The following MIB1 variants were observed in gnomAD, a reference collection of about 807,000 sequenced individuals.
The protein encoded by MIB1 is E3 ubiquitin-protein ligase MIB1.
MIB1 carries 278 observed loss-of-function variants against 124.5 expected under a neutral mutation model. That is an observed-to-expected ratio of 2.23 (90% CI 2.02 to 2.47). The LOEUF (loss-of-function observed/expected upper bound fraction) is 2.47. Among genes scored for constraint, MIB1 ranks in the 30% most tolerant of loss-of-function variants. The probability of loss-of-function intolerance (pLI) is 0.00; values close to 1 mark genes in which losing one functional copy is unlikely to be tolerated. For synonymous variants in MIB1, 446 were observed against 429.4 expected, an observed-to-expected ratio of 1.04 and a Z score of -0.48; for missense variants, 957 against 1,254.4, an observed-to-expected ratio of 0.76 and a Z score of 3.58.
intron 20 of MIB1, 150 bp downstream of exon 20, chr18:21,858,796 G>T: frequency 2.1e-6 from 1 of 487,408 alleles, no homozygotes; most frequent in East Asian, 3.1e-5. Flanking sequence ...TCTGATTAGA[G>T]GGTTTAATCA....
intron 11 of MIB1, chr18:21,817,502 C>G (rs531775571): frequency 5.2e-6 from 1 of 193,088 alleles, no homozygotes; most frequent in African/African-American, 2.4e-5. Context: ...ATAATAGTGG[C>G]TTATTGGCTT....
At chr18:21,753,494 AT>A (rs923699469) in intron 1 of MIB1, among the ~76,000 whole-genome samples, 10 of 151,062 alleles carry the variant, frequency 6.6e-5, no homozygotes, top group East Asian at 5.9e-4. Flanking sequence ...GCCTGAAAAT[AT>A]TTTTTTTTGT....
intron 17 of MIB1, among the ~76,000 whole-genome samples, chr18:21,852,016 AATT>A: frequency 6.6e-6 from 1 of 152,194 alleles, no homozygotes; most frequent in Admixed American, 6.5e-5. Context: ...AGGAGAAGAT[AATT>A]ATTATGTATT....
At chr18:21,843,968 A>G in intron 14 of MIB1, 124 bp from the exon 15 acceptor site, 1 of 894,510 alleles carries the variant, frequency 1.1e-6, no homozygotes, top group South Asian at 1.8e-5. Flanking sequence ...AAAAGCATAA[A>G]AATGATTAGC....
At position 21,866,269 on chromosome 18, in the gene MIB1, C is replaced by G. The variant is rs2042320538; in HGVS notation, c.*1603C>G. The G allele has an allele frequency of 6.6e-6, 1 of 152,160 alleles. No homozygotes were observed. Among genetic ancestry groups the G allele is most frequent in the Non-Finnish European group, 1.5e-5 (1 of 68,046 alleles). The allele number at this position is 152,160 out of a possible 1,614,324, so 9.4% of individuals were successfully genotyped here. A position where few individuals can be genotyped will look rare whatever the true frequency, so the allele number is the denominator to read the frequency against. On this transcript the variant is annotated 3_prime_UTR_variant, in exon 21 of 21. Transcript: ENST00000261537. Reference sequence around the variant, plus strand: ...TGAAAGCAATGGGGAGCTTTGCTGGCTGGTTTTGTAGTCTCAACAATTCCA... The same window carrying G: ...TGAAAGCAATGGGGAGCTTTGCTGGGTGGTTTTGTAGTCTCAACAATTCCA...
intron 19 of MIB1, among the ~76,000 whole-genome samples, chr18:21,857,534 A>G (rs2042240267): frequency 6.6e-6 from 1 of 152,258 alleles, no homozygotes; most frequent in African/African-American, 2.4e-5. Context: ...TCTATTTTTA[A>G]GATGAAATTT....
Position 21,741,604 on chromosome 18 carries a change from C to G in MIB1, c.21C>G (p.Asn7Lys). The change falls in exon 1 of 21, where the codon AAC becomes AAG. Residue 7 changes from asparagine to lysine, a missense_variant. Coordinates refer to ENST00000261537, the MANE Select transcript of MIB1 (RefSeq NM_020774.4). The surrounding 1 kb of genome is among the most constrained non-coding windows in gnomAD (Gnocchi z 5.4). MSNSRNNRVMVEGVGAR... is the reference protein window; with the variant it reads MSNSRNKRVMVEGVGAR... ...CCCCGATGAGTAACTCCCGGAATAA[C>G]CGGGTGATGGTGGAAGGGGTTGGCG... 1 of 1,575,840 alleles carries G rather than the reference C, an allele frequency of 6.3e-7. No individual in the cohort carries two copies. The highest frequency in any genetic ancestry group is 8.6e-7 in the Non-Finnish European group (1 of 1,164,474).
At chr18:21,761,296 C>A (rs1025765588) in intron 1 of MIB1, among the ~76,000 whole-genome samples, 15 of 149,764 alleles carry the variant, frequency 1.0e-4, no homozygotes, top group African/African-American at 3.7e-4. Context: ...TCATAATTGT[C>A]TGGTGCAGGG....
upstream of MIB1, among the ~76,000 whole-genome samples, chr18:21,737,347 C>T (rs1463169593): frequency 6.6e-6 from 1 of 152,074 alleles, no homozygotes; most frequent in Non-Finnish European, 1.5e-5. Context: ...GATTTTGTCA[C>T]CACCAGGCCT....
chr18:21,735,874 A>T (rs1196365941), upstream of MIB1, among the ~76,000 whole-genome samples: 1 of 152,236 alleles, frequency 6.6e-6, no homozygotes, highest in South Asian at 2.1e-4. Context: ...CAGCAGCCCC[A>T]GTCAGGCACT....
intron 4 of MIB1, among the ~76,000 whole-genome samples, chr18:21,775,282 C>G (rs571619675): frequency 6.6e-6 from 1 of 152,070 alleles, no homozygotes; most frequent in East Asian, 1.9e-4. Context: ...CTCTGTCACT[C>G]AAGCTGGAGT....
chr18:21,831,778 A>G lies in MIB1; in HGVS notation c.1830-6587A>G, dbSNP rs149387444. On this transcript the variant is annotated intron_variant, in intron 12 of 20. Coordinates refer to ENST00000261537, the MANE Select transcript of MIB1 (RefSeq NM_020774.4). Reference sequence around the variant, plus strand: ...AGCCTGATGCACTGTCACTATACTTAGAAGCACTGCAGAGAAAAAAGGAAA... The same window carrying G: ...AGCCTGATGCACTGTCACTATACTTGGAAGCACTGCAGAGAAAAAAGGAAA... Among the ~76,000 whole-genome samples the G allele has an allele frequency of 6.4e-3, 972 of 152,236 alleles. 9 individuals are homozygous for G. The highest frequency in any genetic ancestry group is 0.02 in the African/African-American group (846 of 41,528).
At chr18:21,799,064 A>G (rs917360348) in intron 8 of MIB1, among the ~76,000 whole-genome samples, 1 of 152,046 alleles carries the variant, frequency 6.6e-6, no homozygotes, top group Non-Finnish European at 1.5e-5. Flanking sequence ...TTGACTACAT[A>G]CAAAGTAAAA....
chr18:21,765,804 T>TG lies in MIB1; in HGVS notation c.263dup (p.Cys88TrpfsTer20). On this transcript the variant is annotated frameshift_variant, in exon 2 of 21. Coordinates refer to ENST00000261537, the MANE Select transcript of MIB1 (RefSeq NM_020774.4). LOFTEE classifies it high-confidence loss of function. ...GCATGATGGAACCATGTGTGATACCTGCCGCCAGCAACCAATCATTGGCAT... is the reference window on the plus strand; with the variant it reads ...GCATGATGGAACCATGTGTGATACCTGGCCGCCAGCAACCAATCATTGGCAT... The TG allele has an allele frequency of 1.2e-6, 2 of 1,614,176 alleles. No individual in the cohort carries two copies. The highest frequency in any genetic ancestry group is 1.7e-6 in the Non-Finnish European group (2 of 1,179,994).
rs73430113 is a variant in MIB1, at chr18:21,853,710, G to A, written c.2665+492G>A. On this transcript the variant is annotated intron_variant, in intron 18 of 20. Coordinates refer to ENST00000261537, the MANE Select transcript of MIB1 (RefSeq NM_020774.4). ...GCTTTTAGAAATCTTTTCTTTGTGA[G>A]GGCAGTATTAAAATTTAAAAAATGT... Among the ~76,000 whole-genome samples, 246 of 151,964 alleles carry A rather than the reference G, an allele frequency of 1.6e-3. 3 individuals are homozygous for A. The highest frequency in any genetic ancestry group is 5.0e-3 in the African/African-American group (206 of 41,456).
chr18:21,853,301 C>T lies in MIB1; in HGVS notation c.2665+83C>T, dbSNP rs563956950. 3.2e-5 allele frequency: 34 copies of T among 1,078,054 alleles called. No individual in the cohort carries two copies. The African/African-American group carries it at 5.3e-4, about 17-fold the overall frequency. The allele number at this position is 1,078,054 out of a possible 1,614,324, so 66.8% of individuals were successfully genotyped here. On this transcript the variant is annotated intron_variant, in intron 18 of 20. Coordinates refer to ENST00000261537, the MANE Select transcript of MIB1 (RefSeq NM_020774.4). ...AATTATGTTTTTGAGGGTTTTTTTG[C>T]TTTTGATTTTGGATAACTCATAAAA... is the stretch of plus-strand genomic sequence containing the variant.
chr18:21,853,272 CA>C (rs1042489839), intron 18 of MIB1, 54 bp downstream of exon 18: 4 of 1,349,970 alleles, frequency 3.0e-6, no homozygotes, highest in Middle Eastern at 1.9e-4. Context: ...GAAAGTGAAA[CA>C]AAAATTATGT....
chr18:21,770,962 TTAGA>T (rs1438948088), intron 3 of MIB1, among the ~76,000 whole-genome samples: 1 of 152,176 alleles, frequency 6.6e-6, no homozygotes, highest in African/African-American at 2.4e-5. Flanking sequence ...AGAGGCTTGA[TTAGA>T]TAGATTCAGG....
At chr18:21,715,613 A>C (rs1018736118) in intron 1 of MIB1, among the ~76,000 whole-genome samples, 2 of 152,076 alleles carry the variant, frequency 1.3e-5, no homozygotes, top group Non-Finnish European at 2.9e-5. Context: ...GGAAATTAAA[A>C]AAAAAATACA....
Sources: allele counts gnomAD v4.1 joint callset (sites outside exome capture counted in the v4.1 genomes callset), GRCh38; gene constraint gnomAD v4.1.1; non-coding constraint Gnocchi (gnomAD v3.1); transcripts MANE v1.5; gene names NCBI Gene and HGNC (gene_info 2026-07-23, HGNC 2026-07-21).